The following ETFDH variants were observed in gnomAD, a reference collection of about 807,000 sequenced individuals.
ETFDH encodes the protein electron transfer flavoprotein-ubiquinone oxidoreductase, mitochondrial.
Under a neutral mutation model 73.2 loss-of-function variants are expected in ETFDH, and 61 were observed. The ratio of observed to expected loss-of-function variants is 0.83; its 90% CI spans 0.68 to 1.03. The LOEUF (loss-of-function observed/expected upper bound fraction) is 1.03, where lower values mean the gene tolerates loss of function less well. Among genes scored for constraint, ETFDH ranks in the 50% least tolerant of loss-of-function variants. The pLI is 0.00. For synonymous variants in ETFDH, 243 were observed against 253.3 expected (o/e 0.96, Z 0.39); for missense variants, 685 against 745.0 (o/e 0.92, Z 0.94).
intron 1 of ETFDH, 123 bp downstream of exon 1, chr4:158,672,613 A>T: frequency 9.9e-7 from 1 of 1,008,184 alleles, no homozygotes; most frequent in South Asian, 1.3e-5. Flanking sequence ...TATCTAGGGC[A>T]AAGGTCACGC....
intron 9 of ETFDH, 113 bp downstream of exon 9, chr4:158,699,243 T>C: frequency 2.2e-6 from 2 of 920,924 alleles, no homozygotes; most frequent in Non-Finnish European, 3.5e-6. Context: ...AGGAAAAGTA[T>C]GTAGAGTTTA....
At chr4:158,678,618 G>A (rs529307494) in intron 1 of ETFDH, among the ~76,000 whole-genome samples, 54 of 151,698 alleles carry the variant, frequency 3.6e-4, no homozygotes, top group Non-Finnish European at 6.3e-4. Context: ...CTCAAAGGGA[G>A]GAGAGAATTG....
At position 158,708,574 on chromosome 4, in the gene ETFDH, A is replaced by AT; in HGVS notation, c.*48dup. ...TCAAGTATGGCAAGCTAACGTTAAA[A>AT]TGTTTAGAGATTAACAGATTTCAGA... On this transcript the variant is annotated 3_prime_UTR_variant, in exon 13 of 13. Transcript: ENST00000511912. 6.9e-7 allele frequency: 1 copy of AT among 1,443,222 alleles called. No homozygotes were observed. Among genetic ancestry groups the AT allele is most frequent in the South Asian group, 1.1e-5 (1 of 87,572 alleles). 89.4% of individuals were successfully genotyped at this position (1,443,222 alleles called of 1,614,324 possible). A position where few individuals can be genotyped will look rare whatever the true frequency, so the allele number is the denominator to read the frequency against.
chr4:158,685,308 T>C, intron 5 of ETFDH, 89 bp downstream of exon 5: 1 of 776,816 alleles, frequency 1.3e-6, no homozygotes, highest in Non-Finnish European at 2.3e-6. Context: ...GAAATAAATA[T>C]TTTTTAAAAG....
intron 8 of ETFDH, 124 bp from the exon 9 acceptor site, chr4:158,698,863 G>A (rs1052963613): frequency 2.5e-5 from 17 of 684,740 alleles, no homozygotes; most frequent in African/African-American, 2.4e-4. Context: ...TGCACATAGT[G>A]CTCCAAATAC....
rs1423401867 is a variant in ETFDH at position 158,706,639 on chromosome 4, T to C, written c.1479T>C (p.Phe493=). The C allele has an allele frequency of 2.7e-5, 44 of 1,613,804 alleles. No homozygotes were observed. The Admixed American group carries it at 5.7e-4, about 21-fold the overall frequency. ...TCAAAATTGTTGAAGGTTCTGACTT[T>C]GAACGGCTCAAGCCAGCCAAGGATT... ...PWTLKHKGSD[F]ERLKPAKDCT... Residue 493 remains phenylalanine (F), a synonymous_variant, in exon 12 of 13, where the codon TTT becomes TTC. Transcript: ENST00000511912.
intron 5 of ETFDH, among the ~76,000 whole-genome samples, chr4:158,687,709 T>C (rs1055183938): frequency 1.8e-4 from 28 of 152,198 alleles, no homozygotes; most frequent in Non-Finnish European, 5.9e-5. Flanking sequence ...TACATCACAC[T>C]ATTGATTCTT....
At chr4:158,680,740 C>T (rs1003928241) in intron 2 of ETFDH, 133 bp downstream of exon 2, 6 of 750,162 alleles carry the variant, frequency 8.0e-6, no homozygotes, top group Non-Finnish European at 1.2e-5. Context: ...AAGTCACATG[C>T]TGCATAATGA....
intron 3 of ETFDH, among the ~76,000 whole-genome samples, chr4:158,683,587 A>C (rs1415599261): frequency 6.6e-6 from 1 of 152,014 alleles, no homozygotes; most frequent in Non-Finnish European, 1.5e-5. Context: ...TTGCTTTGGC[A>C]CCTTTTTTTT....
At chr4:158,696,367 G>A (rs536304019) in intron 7 of ETFDH, among the ~76,000 whole-genome samples, 80 of 152,182 alleles carry the variant, frequency 5.3e-4, no homozygotes, top group African/African-American at 1.9e-3. Flanking sequence ...TTAGCCAGGT[G>A]TGGTGGTGCA....
At chr4:158,675,180 A>G (rs773421465) in intron 1 of ETFDH, among the ~76,000 whole-genome samples, 7 of 152,148 alleles carry the variant, frequency 4.6e-5, no homozygotes, top group Non-Finnish European at 1.0e-4. Context: ...CATCACCCCA[A>G]AAAGAAACTA....
chr4:158,681,318 T>C (rs1036866206), intron 2 of ETFDH, among the ~76,000 whole-genome samples: 5 of 152,170 alleles, frequency 3.3e-5, no homozygotes, highest in African/African-American at 9.6e-5. Flanking sequence ...AAGAAACTTA[T>C]AGAAAAATGA....
intron 3 of ETFDH, 50 bp downstream of exon 3, chr4:158,682,474 T>C: frequency 7.3e-7 from 1 of 1,375,746 alleles, no homozygotes; most frequent in Non-Finnish European, 1.0e-6. Context: ...TAATTGTATT[T>C]CAGTAATTGT....
In ETFDH at chr4:158,706,321, T is replaced by C; in HGVS notation, c.1418T>C (p.Ile473Thr). The C allele has an allele frequency of 6.2e-7, 1 of 1,613,678 alleles. No individual in the cohort carries two copies. Among genetic ancestry groups the C allele is most frequent in the Non-Finnish European group, 8.5e-7 (1 of 1,179,602 alleles). Residue 473 changes from isoleucine (I) to threonine (T), a missense_variant, in exon 11 of 13, where the codon ATC becomes ACC. Ile to Thr is a moderately conservative substitution (Grantham distance 89). Transcript: ENST00000511912. The stretch of plus-strand genomic sequence containing the variant: ...TATGGAGGGATGATTTACACTGGAA[T>C]CTTTTACTGGATATTGAGAGGAATG... ...GVYGGMIYTG[I>T]FYWILRGMEP... is the part of the protein sequence containing the mutation.
intron 8 of ETFDH, 83 bp from the exon 9 acceptor site, chr4:158,698,904 T>C (rs759061321): frequency 1.7e-5 from 17 of 1,006,646 alleles, no homozygotes; most frequent in African/African-American, 3.3e-5. Context: ...ACCTACATGT[T>C]TTCTGATAAA....
At chr4:158,692,020 C>T (rs1774178414) in intron 6 of ETFDH, among the ~76,000 whole-genome samples, 2 of 152,174 alleles carry the variant, frequency 1.3e-5, no homozygotes, top group African/African-American at 4.8e-5. Flanking sequence ...GTTTATCCTC[C>T]TCTCTGCCAC....
At chr4:158,681,875 G>A (rs1014417546) in intron 2 of ETFDH, 28 of 366,950 alleles carry the variant, frequency 7.6e-5, no homozygotes, top group Non-Finnish European at 8.2e-5. Context: ...ATTGCCTAAC[G>A]ATGCATTTCT....
chr4:158,679,184 C>T (rs1773783258), intron 1 of ETFDH: 1 of 151,850 alleles, frequency 6.6e-6, no homozygotes, highest in South Asian at 2.1e-4. Context: ...ATTATTCTAT[C>T]CCTTCTCCTA....
chr4:158,705,038 G>A (rs1478393374), intron 10 of ETFDH, among the ~76,000 whole-genome samples: 1 of 152,086 alleles, frequency 6.6e-6, no homozygotes, highest in Non-Finnish European at 1.5e-5. Context: ...TATCACCAAA[G>A]ACTAGATTGA....
Sources: gnomAD v4.1 joint callset for allele counts (sites outside exome capture counted in the v4.1 genomes callset) on GRCh38, gnomAD v4.1.1 for gene constraint, MANE v1.5 for transcripts, NCBI Gene and HGNC (gene_info 2026-07-23, HGNC 2026-07-21) for gene names.